The following SPATA13 variants were observed in gnomAD, a reference collection of about 807,000 sequenced individuals.
SPATA13 encodes the protein spermatogenesis associated 13.
SPATA13 carries 50 observed loss-of-function variants against 104.0 expected under a neutral mutation model. The ratio of observed to expected loss-of-function variants is 0.48; its 90% CI spans 0.38 to 0.61. The LOEUF (loss-of-function observed/expected upper bound fraction) is 0.61. Ranked by LOEUF, SPATA13 falls within the 20% of genes least tolerant of loss-of-function variation. The pLI, the probability that SPATA13 is intolerant of heterozygous loss-of-function variation, is 0.00. For synonymous variants in SPATA13, 606 were observed against 667.5 expected, an observed-to-expected ratio of 0.91 and a Z score of 1.42; for missense variants, 1,524 against 1,690.6, an observed-to-expected ratio of 0.90 and a Z score of 1.73.
At chr13:24,172,929 G>C (rs1883039207) in intron 1 of SPATA13, among the ~76,000 whole-genome samples, 1 of 152,172 alleles carries the variant, frequency 6.6e-6, no homozygotes, top group Admixed American at 6.5e-5. Flanking sequence ...TTTCTGATCA[G>C]TTAACACAGT....
chr13:24,214,019 G>A lies in SPATA13; in HGVS notation c.-111-8800G>A, dbSNP rs190018277. Among the ~76,000 whole-genome samples, 6 of 152,324 alleles carry A rather than the reference G, an allele frequency of 3.9e-5. No homozygotes were observed. The East Asian group carries it at 1.2e-3, about 29-fold the overall frequency. ...GGCATTTTATATATGTTTGGTTTCAGAGGCATCCTTTGGGAAAAGCGATCA... is the reference window on the plus strand; with the variant it reads ...GGCATTTTATATATGTTTGGTTTCAAAGGCATCCTTTGGGAAAAGCGATCA... On this transcript the variant is annotated intron_variant, in intron 1 of 12. Coordinates refer to ENST00000382108, the MANE Select transcript of SPATA13 (RefSeq NM_001166271.3).
intron 2 of SPATA13, among the ~76,000 whole-genome samples, chr13:23,987,079 G>GTGCCCAGAGTAGCCTC (rs367986400): frequency 8.6e-5 from 13 of 150,648 alleles, no homozygotes; most frequent in Non-Finnish European, 1.8e-4. Flanking sequence ...CATAGGCAGT[G>GTGCCCAGAGTAGCCTC]GATTGATATT....
At chr13:24,009,909 GCC>G (rs1193955440) in intron 2 of SPATA13, among the ~76,000 whole-genome samples, 2 of 152,138 alleles carry the variant, frequency 1.3e-5, no homozygotes, top group East Asian at 3.8e-4. Flanking sequence ...AATGCCCTTG[GCC>G]AAGAGGAGAC....
At chr13:24,075,236 T>G (rs1879288434) in intron 3 of SPATA13, among the ~76,000 whole-genome samples, 1 of 152,238 alleles carries the variant, frequency 6.6e-6, no homozygotes, top group Admixed American at 6.5e-5. Flanking sequence ...ATTTAGTTTT[T>G]CTTCATAGTT....
intron 3 of SPATA13, among the ~76,000 whole-genome samples, chr13:24,073,994 A>G (rs181175659): frequency 2.8e-4 from 43 of 152,362 alleles, no homozygotes; most frequent in African/African-American, 9.9e-4. Context: ...TTCTTATTTC[A>G]CATTGTAATT....
At chr13:24,152,962 C>A (rs1258987772) in intron 3 of SPATA13, among the ~76,000 whole-genome samples, 2 of 152,244 alleles carry the variant, frequency 1.3e-5, no homozygotes, top group Non-Finnish European at 2.9e-5. Context: ...TTTAAGTACA[C>A]CCAATACACA....
At chr13:24,107,564 C>T (rs1276092368) in intron 3 of SPATA13, among the ~76,000 whole-genome samples, 4 of 152,208 alleles carry the variant, frequency 2.6e-5, no homozygotes, top group African/African-American at 9.6e-5. Flanking sequence ...AAAATCACCT[C>T]CTCACCAAAG....
intron 3 of SPATA13, among the ~76,000 whole-genome samples, chr13:24,106,611 T>A (rs1880463268): frequency 6.6e-6 from 1 of 152,206 alleles, no homozygotes; most frequent in South Asian, 2.1e-4. Context: ...TCACTGGGTC[T>A]AAGTACTGAC....
At chr13:24,168,639 C>T (rs1882839912) in intron 1 of SPATA13, among the ~76,000 whole-genome samples, 1 of 152,108 alleles carries the variant, frequency 6.6e-6, no homozygotes, top group Non-Finnish European at 1.5e-5. Flanking sequence ...CTCGCGTTAC[C>T]CACGGACTGA....
intron 3 of SPATA13, among the ~76,000 whole-genome samples, chr13:24,081,884 A>G (rs1004536642): frequency 1.3e-5 from 2 of 152,162 alleles, no homozygotes; most frequent in Admixed American, 1.3e-4. Context: ...ACAATGCTGG[A>G]ATAAGTTACC....
chr13:24,260,212 CT>C (rs1295489216), intron 4 of SPATA13, among the ~76,000 whole-genome samples: 1 of 152,126 alleles, frequency 6.6e-6, no homozygotes, highest in Non-Finnish European at 1.5e-5. Flanking sequence ...TCAAATGAGG[CT>C]TTAGGGATGA....
chr13:24,228,589 GAAAC>G (rs1434080785), intron 2 of SPATA13, among the ~76,000 whole-genome samples: 1 of 152,118 alleles, frequency 6.6e-6, no homozygotes, highest in Non-Finnish European at 1.5e-5. Flanking sequence ...CAAACTAAGG[GAAAC>G]AAACAGGAAA....
rs78860540 is a variant in SPATA13 at position 24,110,834 on chromosome 13, A to G, written c.-112+93133A>G. On this transcript the variant is annotated intron_variant, in intron 3 of 14. Coordinates refer to the SPATA13 transcript ENST00000424834. ...ACCAACTTGAGATAAGGAAGTTAAG[A>G]ATAAACACCAAGGTTTTTGGACCCC... Among the ~76,000 whole-genome samples the G allele has an allele frequency of 4.2e-3, 634 of 152,322 alleles. 27 individuals are homozygous for G. In the East Asian group the frequency reaches 0.088, roughly 21 times the overall value.
chr13:24,251,316 G>C (rs757192986), intron 3 of SPATA13, among the ~76,000 whole-genome samples: 1 of 152,188 alleles, frequency 6.6e-6, no homozygotes, highest in Non-Finnish European at 1.5e-5. Flanking sequence ...ACCCTGGCCG[G>C]GTTTGTGGCC....
Position 24,075,876 on chromosome 13 carries a change from C to G in SPATA13, c.-112+58175C>G, listed in dbSNP as rs187316305. ...GCTGTCTCCCTTTATTGATGTCTCT[C>G]TCCTGGGAGAAGAGAGATTTCTATA... On this transcript the variant is annotated intron_variant, in intron 3 of 14. Transcript: ENST00000424834. Among the ~76,000 whole-genome samples the G allele has an allele frequency of 4.1e-3, 624 of 152,238 alleles. 11 individuals are homozygous for G. The highest frequency in any genetic ancestry group is 6.8e-3 in the Middle Eastern group (2 of 294).
At chr13:24,295,583 G>A (rs994179666) in intron 10 of SPATA13, among the ~76,000 whole-genome samples, 1 of 151,868 alleles carries the variant, frequency 6.6e-6, no homozygotes, top group Non-Finnish European at 1.5e-5. Flanking sequence ...CTGCACTCTA[G>A]TCTGGGTGAC....
intron 1 of SPATA13, among the ~76,000 whole-genome samples, chr13:24,196,717 C>T (rs560812920): frequency 6.6e-6 from 1 of 152,274 alleles, no homozygotes; most frequent in African/African-American, 2.4e-5. Context: ...GTAGCCTGGA[C>T]AACAGAGTGA....
intron 1 of SPATA13, among the ~76,000 whole-genome samples, chr13:24,173,495 C>G (rs367789703): frequency 2.0e-4 from 29 of 145,160 alleles, no homozygotes; most frequent in African/African-American, 6.8e-4. Context: ...GCCTTTTATT[C>G]CCCCCCGTCC....
At chr13:24,152,617 T>C (rs1882129895) in intron 3 of SPATA13, among the ~76,000 whole-genome samples, 1 of 152,206 alleles carries the variant, frequency 6.6e-6, no homozygotes, top group African/African-American at 2.4e-5. Context: ...GTGTGACCAG[T>C]GCTTTCAATC....
Sources: gnomAD v4.1 joint callset for allele counts (sites outside exome capture counted in the v4.1 genomes callset) on GRCh38, gnomAD v4.1.1 for gene constraint, MANE v1.5 for transcripts, NCBI Gene and HGNC (gene_info 2026-07-23, HGNC 2026-07-21) for gene names.